Variants in PTGES2 observed in about 807,000 individuals in gnomAD.
PTGES2 encodes GATE-binding factor 1.
Under a neutral mutation model 44.5 loss-of-function variants are expected in PTGES2, and 35 were observed. The observed-to-expected ratio is 0.79, with a 90% confidence interval of 0.60 to 1.04. PTGES2 has a LOEUF of 1.04. Among genes scored for constraint, PTGES2 ranks in the 50% least tolerant of loss-of-function variants. The pLI is 0.00. For missense variants in PTGES2, 517 were observed against 521.4 expected (o/e 0.99, Z 0.08); for synonymous variants, 221 against 227.5 (o/e 0.97, Z 0.26).
upstream of PTGES2, chr9:128,128,159 G>A (rs549676799): frequency 2.4e-5 from 5 of 210,932 alleles, no homozygotes; most frequent in South Asian, 1.1e-4. Flanking sequence ...GAAACGACCC[G>A]ACCCGGCACC....
At chr9:128,127,975 C>G, upstream of PTGES2, 1 of 444,146 alleles carries the variant, frequency 2.3e-6, no homozygotes, top group Non-Finnish European at 4.0e-6. Context: ...GGTAGTGACC[C>G]GGCCGACTGC....
chr9:128,127,191 CAAAAAAAA>C (rs59234287), intron 1 of PTGES2, among the ~76,000 whole-genome samples: 12 of 24,496 alleles, frequency 4.9e-4, no homozygotes, highest in Non-Finnish European at 7.4e-4. Context: ...ATAAACAAAC[CAAAAAAAA>C]AAAAAAAAAA....
chr9:128,128,048 C>T (rs997799429), upstream of PTGES2: 3 of 381,260 alleles, frequency 7.9e-6, no homozygotes, highest in African/African-American at 2.1e-5. Context: ...CCGTCTGTAA[C>T]ACGTACTTGC....
rs780434158 is a variant in PTGES2 at position 128,125,372 on chromosome 9, G to A, written c.349C>T (p.Arg117Ter). The A allele has an allele frequency of 6.8e-6, 11 of 1,614,044 alleles. No individual in the cohort carries two copies. The highest frequency in any genetic ancestry group is 2.7e-5 in the African/African-American group (2 of 74,922). ...YKTCPFCSKVRAFLDFHALPY... is the reference protein window; with the variant it reads ...YKTCPFCSKV ...AGGGCATGGAAGTCGAGGAAGGCTC[G>A]GACCTTGCTGCAGAAGGGACACGTC... Residue 117 changes from arginine to a stop codon, truncating the protein, a stop_gained, in exon 2 of 7, where the codon CGA (arginine) becomes TGA (stop). Transcript: ENST00000338961. LOFTEE classifies it high-confidence loss of function.
At chr9:128,121,356 A>C in intron 6 of PTGES2, 83 bp from the exon 7 acceptor site, 1 of 1,514,432 alleles carries the variant, frequency 6.6e-7, no homozygotes, top group South Asian at 1.3e-5. Context: ...CTGTGTGGCC[A>C]GGTCCCGTCC....
rs1284387186 is a variant in PTGES2 at position 128,127,473 on chromosome 9, G to A, written c.245C>T (p.Ala82Val). ...LYHTARWHLR[A>V]QDLHAERSAA... ...TGAGCGCTCTGCGTGGAGGTCCTGG[G>A]CGCGCAGGTGCCACCGCGCCGTGTG... Residue 82 changes from alanine (A) to valine (V), a missense_variant, in exon 1 of 7, where the codon GCC becomes GTC. Coordinates refer to ENST00000338961, the MANE Select transcript of PTGES2 (RefSeq NM_025072.7). The A allele has an allele frequency of 2.9e-6, 4 of 1,401,324 alleles. No homozygotes were observed. The highest frequency in any genetic ancestry group is 3.7e-6 in the Non-Finnish European group (4 of 1,073,178). The allele number at this position is 1,401,324 out of a possible 1,614,324, so 86.8% of individuals were successfully genotyped here.
At position 128,123,170 on chromosome 9, in the gene PTGES2, C is replaced by G; in HGVS notation, c.687-36G>C. ...GGGAGGGACTTCCTAAGCCAGGACC[C>G]GGGCTGTGTTGGGAGCAGGCTGCAT... On this transcript the variant is annotated intron_variant, in intron 4 of 6. Coordinates refer to ENST00000338961, the MANE Select transcript of PTGES2 (RefSeq NM_025072.7). The surrounding 1 kb of genome is among the most constrained non-coding windows in gnomAD (Gnocchi z 4.4). 1 of 1,595,064 alleles carries G rather than the reference C, an allele frequency of 6.3e-7. No homozygotes were observed. The highest frequency in any genetic ancestry group is 8.5e-7 in the Non-Finnish European group (1 of 1,174,818).
At position 128,125,267 on chromosome 9, in the gene PTGES2, C is replaced by G; in HGVS notation, c.454G>C (p.Val152Leu). 1.2e-6 allele frequency: 2 copies of G among 1,600,358 alleles called. No homozygotes were observed. Residue 152 changes from valine (V) to leucine (L), a missense_variant, in exon 2 of 7, where the codon GTG (valine) becomes CTG (leucine). Transcript: ENST00000338961. ...ACCGAGCTTTCTCCTTCCTGGGCCA[C>G]CAGGATGGGCACCTTTCTGTAGGAG... ...FSSYRKVPIL[V>L]AQEGESSQQL...
chr9:128,123,789 T>C lies in PTGES2; in HGVS notation c.599A>G (p.Lys200Arg). 1 of 1,614,078 alleles carries C rather than the reference T, an allele frequency of 6.2e-7. No homozygotes were observed. The highest frequency in any genetic ancestry group is 1.1e-5 in the South Asian group (1 of 91,088). Residue 200 changes from lysine to arginine, a missense_variant, in exon 4 of 7, where the codon AAG becomes AGG. Lys to Arg is a conservative substitution (Grantham distance 26). Coordinates refer to ENST00000338961, the MANE Select transcript of PTGES2 (RefSeq NM_025072.7). The surrounding 1 kb of genome is among the most constrained non-coding windows in gnomAD (Gnocchi z 4.4). ...CTTATTGCCGAACTCGGTCACCTCC[T>C]TGCCCTGCTCGTTCACAGCCTTCAT... is the stretch of plus-strand genomic sequence containing the variant. ...PAMKAVNEQGKEVTEFGNKYW... is the reference protein window; with the variant it reads ...PAMKAVNEQGREVTEFGNKYW...
At position 128,127,481 on chromosome 9, in the gene PTGES2, G is replaced by A. The variant is rs1183604304; in HGVS notation, c.237C>T (p.His79=). The A allele has an allele frequency of 1.4e-6, 2 of 1,401,648 alleles. No individual in the cohort carries two copies. Among genetic ancestry groups the A allele is most frequent in the African/African-American group, 3.0e-5 (2 of 67,674 alleles). The allele number at this position is 1,401,648 out of a possible 1,614,324, so 86.8% of individuals were successfully genotyped here. A position where few individuals can be genotyped will look rare whatever the true frequency, so the allele number is the denominator to read the frequency against. The change falls in exon 1 of 7, where the codon CAC becomes CAT. Residue 79 remains histidine, a synonymous_variant. Coordinates refer to ENST00000338961, the MANE Select transcript of PTGES2 (RefSeq NM_025072.7). ...CTGCGTGGAGGTCCTGGGCGCGCAG[G>A]TGCCACCGCGCCGTGTGGTACAGCC... The part of the protein sequence containing the change: ...ALGLYHTARW[H]LRAQDLHAER...
intron 3 of PTGES2, among the ~76,000 whole-genome samples, chr9:128,124,136 G>A (rs1177779184): frequency 6.6e-6 from 1 of 151,820 alleles, no homozygotes; most frequent in African/African-American, 2.4e-5. Flanking sequence ...AGGCTGGAGT[G>A]CAGTGGCACG....
chr9:128,123,062 C>T lies in PTGES2; in HGVS notation c.759G>A (p.Thr253=), dbSNP rs756211159. Residue 253 remains threonine (T), a synonymous_variant, in exon 5 of 7, where the codon ACG becomes ACA. Transcript: ENST00000338961. The surrounding 1 kb of genome is among the most constrained non-coding windows in gnomAD (Gnocchi z 4.4). ...CAAAGGACGCCAGAGCCTCGGTGGG[C>T]GTGCGGTACACATTGGGGGAGATCA... ...VHLISPNVYR[T]PTEALASFDY... is the part of the protein sequence containing the mutation. 12 of 1,613,136 alleles carry T rather than the reference C, an allele frequency of 7.4e-6. No individual in the cohort carries two copies. Among genetic ancestry groups the T allele is most frequent in the Admixed American group, 1.7e-5 (1 of 60,006 alleles).
At chr9:128,124,018 A>C (rs1834525012) in intron 3 of PTGES2, among the ~76,000 whole-genome samples, 167 bp from the exon 4 acceptor site, 1 of 151,748 alleles carries the variant, frequency 6.6e-6, no homozygotes, top group African/African-American at 2.4e-5. Context: ...TCCCCAAGAG[A>C]GGGAGGTGTG....
intron 6 of PTGES2, among the ~76,000 whole-genome samples, chr9:128,121,898 G>GT (rs1269318368): frequency 6.6e-6 from 1 of 151,832 alleles, no homozygotes; most frequent in Non-Finnish European, 1.5e-5. Flanking sequence ...GGGTGACAGC[G>GT]TGAGACTTGG....
In PTGES2 at chr9:128,127,568, T is replaced by C. The variant is rs925796164; in HGVS notation, c.150A>G (p.Ala50=). ...GAAGGPSPVA[A]ARKGSPRLLG... ...GCAGCCGCGGGCTCCCCTTACGAGC[T>C]GCAGCCACGGGGCTCGGGCCGCCCG... The change falls in exon 1 of 7, where the codon GCA becomes GCG. Residue 50 remains alanine (A), a synonymous_variant. Coordinates refer to ENST00000338961, the MANE Select transcript of PTGES2 (RefSeq NM_025072.7). 14 of 1,280,992 alleles carry C rather than the reference T, an allele frequency of 1.1e-5. No individual in the cohort carries two copies. Among genetic ancestry groups the C allele is most frequent in the Non-Finnish European group, 1.4e-5 (14 of 1,014,412 alleles). The allele number at this position is 1,280,992 out of a possible 1,614,324, so 79.4% of individuals were successfully genotyped here.
At position 128,123,070 on chromosome 9, in the gene PTGES2, A is replaced by G. The variant is rs1834483316; in HGVS notation, c.751T>C (p.Tyr251His). 2 of 1,612,716 alleles carry G rather than the reference A, an allele frequency of 1.2e-6. No individual in the cohort carries two copies. Among genetic ancestry groups the G allele is most frequent in the East Asian group, 4.5e-5 (2 of 44,838 alleles). The part of the protein sequence containing the change: ...WLVHLISPNV[Y>H]RTPTEALASF... ...GCCAGAGCCTCGGTGGGCGTGCGGT[A>G]CACATTGGGGGAGATCAGGTGCACC... Residue 251 changes from tyrosine to histidine, a missense_variant, in exon 5 of 7, where the codon TAC (tyrosine) becomes CAC (histidine). Tyr to His is a moderately conservative substitution (Grantham distance 83, BLOSUM62 2). Coordinates refer to ENST00000338961, the MANE Select transcript of PTGES2 (RefSeq NM_025072.7). This position sits in a 1 kb window ranked among gnomAD's most constrained non-coding sequence, Gnocchi z 4.4.
Position 128,127,668 on chromosome 9 carries a change from G to A in PTGES2, c.50C>T (p.Ala17Val). Residue 17 changes from alanine (A) to valine (V), a missense_variant, in exon 1 of 7, where the codon GCC (alanine) becomes GTC (valine). Coordinates refer to ENST00000338961, the MANE Select transcript of PTGES2 (RefSeq NM_025072.7). ...VVRALWPGGC[A>V]LAWRLGGRPQ... ...GCGGCCTCCCAGCCTCCAGGCCAAGGCGCACCCACCAGGCCACAGCGCCCG... is the reference window on the plus strand; with the variant it reads ...GCGGCCTCCCAGCCTCCAGGCCAAGACGCACCCACCAGGCCACAGCGCCCG... 2.3e-6 allele frequency: 3 copies of A among 1,300,618 alleles called. No individual in the cohort carries two copies. Among genetic ancestry groups the A allele is most frequent in the South Asian group, 2.2e-5 (1 of 44,512 alleles). The allele number at this position is 1,300,618 out of a possible 1,614,324, so 80.6% of individuals were successfully genotyped here.
chr9:128,122,289 T>C, intron 6 of PTGES2, 73 bp downstream of exon 6: 4 of 1,216,708 alleles, frequency 3.3e-6, no homozygotes, highest in Non-Finnish European at 4.8e-6. Flanking sequence ...CGTCCAGGCT[T>C]TCCCTTGCAA....
chr9:128,127,805 CG>C (rs1349777814), upstream of PTGES2: 8 of 1,179,926 alleles, frequency 6.8e-6, no homozygotes, highest in Middle Eastern at 3.3e-4. Flanking sequence ...TCTGGCGCCC[CG>C]CGGGTTGGCC....
Sources: gnomAD v4.1 joint callset for allele counts (sites outside exome capture counted in the v4.1 genomes callset) on GRCh38, gnomAD v4.1.1 for gene constraint, Gnocchi (gnomAD v3.1) non-coding constraint, MANE v1.5 for transcripts, NCBI Gene and HGNC (gene_info 2026-07-23, HGNC 2026-07-21) for gene names.